The following PDLIM5 variants were observed in gnomAD, a reference collection of about 807,000 sequenced individuals.
PDLIM5 encodes the protein PDZ and LIM domain protein 5.
PDLIM5 carries 34 observed loss-of-function variants against 64.2 expected under a neutral mutation model. The ratio of observed to expected loss-of-function variants is 0.53; its 90% CI spans 0.40 to 0.71. The LOEUF is 0.71. Ranked by LOEUF, PDLIM5 falls within the 30% of genes least tolerant of loss-of-function variation. The pLI, the probability that PDLIM5 is intolerant of heterozygous loss-of-function variation, is 0.00. For synonymous variants in PDLIM5, 253 were observed against 269.1 expected, an observed-to-expected ratio of 0.94 and a Z score of 0.59; for missense variants, 683 against 733.6, an observed-to-expected ratio of 0.93 and a Z score of 0.80.
intron 3 of PDLIM5, among the ~76,000 whole-genome samples, chr4:94,563,759 T>C (rs1031884290): frequency 6.6e-6 from 1 of 152,072 alleles, no homozygotes; most frequent in Non-Finnish European, 1.5e-5. Context: ...AAATTAGATA[T>C]TTTGTTGTTT....
chr4:94,514,672 T>C (rs1442946471), intron 2 of PDLIM5, among the ~76,000 whole-genome samples: 1 of 152,210 alleles, frequency 6.6e-6, no homozygotes, highest in Admixed American at 6.5e-5. Context: ...GTCCAAGGCT[T>C]TTCTTTACTG....
intron 7 of PDLIM5, among the ~76,000 whole-genome samples, chr4:94,594,408 G>A (rs1048395421): frequency 1.3e-5 from 2 of 151,930 alleles, no homozygotes; most frequent in South Asian, 4.1e-4. Context: ...TACTAATAGA[G>A]AAAATTTTAT....
chr4:94,548,633 T>G (rs975490052), intron 3 of PDLIM5, among the ~76,000 whole-genome samples: 33 of 152,174 alleles, frequency 2.2e-4, no homozygotes, highest in African/African-American at 7.7e-4. Context: ...CCAAAAGACA[T>G]CAGATATAAA....
chr4:94,548,257 A>T (rs1359516350), intron 3 of PDLIM5, among the ~76,000 whole-genome samples: 1 of 152,200 alleles, frequency 6.6e-6, no homozygotes, highest in African/African-American at 2.4e-5. Context: ...TACTTAATTC[A>T]GAAGAGCCCA....
chr4:94,644,127 A>T (rs17021921), intron 9 of PDLIM5, among the ~76,000 whole-genome samples: 6,801 of 152,262 alleles, frequency 0.045, 282 homozygotes, highest in East Asian at 0.15. Flanking sequence ...TAATAGTTAA[A>T]GTTAAATGTG....
chr4:94,454,175 A>G (rs1362034493), intron 1 of PDLIM5, among the ~76,000 whole-genome samples: 1 of 152,018 alleles, frequency 6.6e-6, no homozygotes, highest in African/African-American at 2.4e-5. Context: ...TTTTCCAAGG[A>G]AGTATGTTTT....
Position 94,664,355 on chromosome 4 carries a change from G to A in PDLIM5, c.*288G>A. On this transcript the variant is annotated 3_prime_UTR_variant, in exon 13 of 13. Coordinates refer to ENST00000317968, the MANE Select transcript of PDLIM5 (RefSeq NM_006457.5). ...ATTAAATTCATCTTAGAATAAATTA[G>A]TGAAGAATTTAATTTTAGAATAAAT... 1 of 702,068 alleles carries A rather than the reference G, an allele frequency of 1.4e-6. No individual in the cohort carries two copies. Among genetic ancestry groups the A allele is most frequent in the Non-Finnish European group, 1.8e-6 (1 of 565,478 alleles). 43.5% of individuals were successfully genotyped at this position (702,068 alleles called of 1,614,324 possible).
intron 7 of PDLIM5, among the ~76,000 whole-genome samples, chr4:94,595,886 A>G (rs1427041491): frequency 6.6e-6 from 1 of 152,202 alleles, no homozygotes; most frequent in African/African-American, 2.4e-5. Context: ...CTTGCCCCAA[A>G]AAATAGAACA....
At position 94,618,085 on chromosome 4, in the gene PDLIM5, C is replaced by T. The variant is rs1449526793; in HGVS notation, c.1002C>T (p.Thr334=). 1 of 1,612,310 alleles carries T rather than the reference C, an allele frequency of 6.2e-7. No homozygotes were observed. The highest frequency in any genetic ancestry group is 8.5e-7 in the Non-Finnish European group (1 of 1,179,110). Reference sequence around the variant, plus strand: ...TGCCCGAGAGCCTGGACAGCCCAACCTCTGGCAGACCAGGGGTTACCAGCC... The same window carrying T: ...TGCCCGAGAGCCTGGACAGCCCAACTTCTGGCAGACCAGGGGTTACCAGCC... ...RSMPESLDSP[T]SGRPGVTSLT... is the part of the protein sequence containing the mutation. The change falls in exon 8 of 13, where the codon ACC becomes ACT. Residue 334 remains threonine, a synonymous_variant. Coordinates refer to ENST00000317968, the MANE Select transcript of PDLIM5 (RefSeq NM_006457.5).
At chr4:94,587,467 T>C in intron 7 of PDLIM5, 1 of 908,626 alleles carries the variant, frequency 1.1e-6, no homozygotes, top group South Asian at 5.0e-5. Context: ...GGAAAATACT[T>C]TCTTTATATT....
intron 4 of PDLIM5, 125 bp from the exon 5 acceptor site, chr4:94,575,488 CATG>C (rs1391293751): frequency 1.4e-5 from 9 of 641,090 alleles, no homozygotes; most frequent in Non-Finnish European, 2.2e-5. Context: ...TATCTGGAAA[CATG>C]ATGTTTGAGC....
intron 7 of PDLIM5, among the ~76,000 whole-genome samples, chr4:94,615,296 A>T (rs1035200530): frequency 1.3e-5 from 2 of 152,234 alleles, no homozygotes; most frequent in Admixed American, 1.3e-4. Flanking sequence ...CAGCTATTAC[A>T]AATCAGCATA....
chr4:94,487,539 T>G (rs1484787095), intron 2 of PDLIM5, among the ~76,000 whole-genome samples: 1 of 152,196 alleles, frequency 6.6e-6, no homozygotes, highest in Non-Finnish European at 1.5e-5. Context: ...GGCCATTCCT[T>G]AAGAGGTGAA....
intron 7 of PDLIM5, among the ~76,000 whole-genome samples, chr4:94,595,489 A>G (rs769442705): frequency 5.9e-5 from 9 of 152,246 alleles, no homozygotes; most frequent in Non-Finnish European, 1.2e-4. Context: ...AGGCCATCAG[A>G]ATGGAATTTT....
chr4:94,617,207 T>G (rs1738850688), intron 7 of PDLIM5, among the ~76,000 whole-genome samples: 1 of 152,246 alleles, frequency 6.6e-6, no homozygotes, highest in Non-Finnish European at 1.5e-5. Flanking sequence ...ATTATTTTTT[T>G]TTTGGAAATG....
intron 9 of PDLIM5, among the ~76,000 whole-genome samples, chr4:94,650,940 A>T (rs1741797431): frequency 1.3e-5 from 2 of 152,126 alleles, no homozygotes; most frequent in African/African-American, 4.8e-5. Flanking sequence ...TTTGTCAGTC[A>T]ACATGTACTT....
intron 2 of PDLIM5, among the ~76,000 whole-genome samples, chr4:94,493,469 C>T (rs1439680280): frequency 6.6e-6 from 1 of 152,044 alleles, no homozygotes; most frequent in Non-Finnish European, 1.5e-5. Context: ...GGCCACCATG[C>T]TTGGATAAAT....
At chr4:94,554,646 CATATG>C (rs1270566337) in intron 3 of PDLIM5, among the ~76,000 whole-genome samples, 4 of 152,148 alleles carry the variant, frequency 2.6e-5, no homozygotes, top group African/African-American at 7.2e-5. Context: ...TTGACAAATG[CATATG>C]ATATAAGAGC....
At chr4:94,590,333 C>A (rs1736580192) in intron 7 of PDLIM5, among the ~76,000 whole-genome samples, 1 of 151,894 alleles carries the variant, frequency 6.6e-6, no homozygotes, top group African/African-American at 2.4e-5. Context: ...ATTGATTTTC[C>A]CTCCAGATAT....
Sources: allele counts gnomAD v4.1 joint callset (sites outside exome capture counted in the v4.1 genomes callset), GRCh38; gene constraint gnomAD v4.1.1; transcripts MANE v1.5; gene names NCBI Gene and HGNC (gene_info 2026-07-23, HGNC 2026-07-21).